The following RBMX2 variants were observed in gnomAD, a reference collection of about 807,000 sequenced individuals.
The protein encoded by RBMX2 is RNA-binding motif protein, X-linked 2.
For missense variants in RBMX2, 191 were observed against 256.0 expected, an observed-to-expected ratio of 0.75 and a Z score of 1.73; for synonymous variants, 77 against 94.3, an observed-to-expected ratio of 0.82 and a Z score of 1.07.
At position 130,401,999 on chromosome X, in the gene RBMX2, C is replaced by T. The variant is rs758727276; in HGVS notation, c.-34C>T. The T allele has an allele frequency of 3.4e-6, 4 of 1,183,949 alleles. No homozygotes were observed. The highest frequency in any genetic ancestry group is 3.7e-5 in the South Asian group (2 of 53,674). ...TGCGCTGCGCTGCCTTTCCCGGGCG[C>T]TGATTCCTGAGTGCTGAGCGCGAAC... On this transcript the variant is annotated 5_prime_UTR_variant, in exon 1 of 6. Coordinates refer to ENST00000305536, the MANE Select transcript of RBMX2 (RefSeq NM_016024.4).
rs1049271395 is a variant in RBMX2 at position 130,411,214 on chromosome X, C to G, written c.304-134C>G. 1.3e-5 allele frequency: 8 copies of G among 599,542 alleles called. No homozygotes were observed. The African/African-American group carries it at 1.8e-4, about 14-fold the overall frequency. The allele number at this position is 599,542 out of a possible 1,213,427, so 49.4% of individuals were successfully genotyped here. A position where few individuals can be genotyped will look rare whatever the true frequency, so the allele number is the denominator to read the frequency against. On this transcript the variant is annotated intron_variant, in intron 4 of 5. Transcript: ENST00000305536. Reference sequence around the variant, plus strand: ...GCTATGACACACCAGTTGGACAGGTCTGCTTTAGTGACAGAATTTAACAAG... The same window carrying G: ...GCTATGACACACCAGTTGGACAGGTGTGCTTTAGTGACAGAATTTAACAAG...
At chrX:130,402,847 C>T (rs1032996892) in intron 2 of RBMX2, among the ~76,000 whole-genome samples, 3 of 112,049 alleles carry the variant, frequency 2.7e-5, no homozygotes, top group Non-Finnish European at 5.6e-5. Context: ...AGTCCATGGC[C>T]ACGTTACCAT....
intron 3 of RBMX2, among the ~76,000 whole-genome samples, chrX:130,408,404 A>G (rs988148554): frequency 2.7e-5 from 3 of 112,091 alleles, no homozygotes; most frequent in African/African-American, 9.7e-5. Flanking sequence ...TAAAATTACA[A>G]ATTTTCCTGA....
intron 3 of RBMX2, among the ~76,000 whole-genome samples, chrX:130,408,801 A>T (rs1439705897): frequency 8.9e-6 from 1 of 112,338 alleles, no homozygotes; most frequent in Non-Finnish European, 1.9e-5. Context: ...TATGTATATT[A>T]ATTAATCTGA....
rs1362331419 is a variant in RBMX2, at chrX:130,413,369, C to T, written c.*521C>T. ...TGCCTCTTTCCACATTTTTTCCTTG[C>T]AATGTATTTATTATTTATTTGTATT... On this transcript the variant is annotated 3_prime_UTR_variant, in exon 6 of 6. Coordinates refer to ENST00000305536, the MANE Select transcript of RBMX2 (RefSeq NM_016024.4). 8.9e-6 allele frequency: 1 copy of T among 112,543 alleles called. No homozygotes were observed. The highest frequency in any genetic ancestry group is 1.9e-5 in the Non-Finnish European group (1 of 53,642). 9.3% of individuals were successfully genotyped at this position (112,543 alleles called of 1,213,427 possible). A position where few individuals can be genotyped will look rare whatever the true frequency, so the allele number is the denominator to read the frequency against.
At chrX:130,411,235 A>G in intron 4 of RBMX2, 113 bp from the exon 5 acceptor site, 1 of 754,073 alleles carries the variant, frequency 1.3e-6, no homozygotes, top group Non-Finnish European at 1.9e-6. Flanking sequence ...ACAGAATTTA[A>G]CAAGAAGGTA....
intron 2 of RBMX2, among the ~76,000 whole-genome samples, chrX:130,402,574 T>C (rs1409305303): frequency 8.9e-6 from 1 of 111,915 alleles, no homozygotes; most frequent in Non-Finnish European, 1.9e-5. Context: ...CTCATGAGAG[T>C]TACTGTTTGC....
At chrX:130,402,225 A>ACCCAACCCACCC in intron 1 of RBMX2, 30 bp from the exon 2 acceptor site, 1 of 984,795 alleles carries the variant, frequency 1.0e-6, no homozygotes, top group Non-Finnish European at 1.4e-6. Flanking sequence ...TTTTCTGCCT[A>ACCCAACCCACCC]CCCTCCCCAC....
Position 130,403,831 on chromosome X carries a change from G to A in RBMX2, c.151G>A (p.Asp51Asn). The A allele has an allele frequency of 8.3e-7, 1 of 1,210,551 alleles. No homozygotes were observed. The highest frequency in any genetic ancestry group is 1.1e-6 in the Non-Finnish European group (1 of 894,232). Residue 51 changes from aspartate (D) to asparagine (N), a missense_variant, in exon 3 of 6, where the codon GAC (aspartate) becomes AAC (asparagine). By Grantham distance (23) the Asp-to-Asn change is conservative. Transcript: ENST00000305536. ...GGLPYELTEG[D>N]IICVFSQYGE... ...GCTTCCTTATGAACTGACTGAAGGG[G>A]ACATCATCTGTGTGTTCTCACAGTA...
intron 5 of RBMX2, among the ~76,000 whole-genome samples, chrX:130,412,043 C>T (rs764362598): frequency 1.8e-5 from 2 of 110,826 alleles, no homozygotes; most frequent in East Asian, 5.7e-4. Context: ...CTGCCTCAGC[C>T]TTCTGAGTAG....
At chrX:130,402,132 C>T (rs2034457859) in intron 1 of RBMX2, 95 bp downstream of exon 1, 13 of 1,162,847 alleles carry the variant, frequency 1.1e-5, no homozygotes, top group Non-Finnish European at 1.5e-5. Context: ...GGCCGAGGGG[C>T]GGGAGCGGCG....
intron 3 of RBMX2, among the ~76,000 whole-genome samples, chrX:130,407,779 T>C (rs140171889): frequency 0.038 from 4,104 of 107,835 alleles, 220 homozygotes; most frequent in African/African-American, 0.13. Context: ...CCACGCACCC[T>C]CCTGAATGGC....
chrX:130,407,665 CTTTTTTT>C (rs1019718080), intron 3 of RBMX2, among the ~76,000 whole-genome samples: 1 of 100,126 alleles, frequency 1.0e-5, no homozygotes, highest in Non-Finnish European at 2.0e-5. Context: ...AATGTTTTTT[CTTTTTTT>C]TTTTTTGAAA....
chrX:130,410,147 ATG>A (rs2034505236), intron 4 of RBMX2, among the ~76,000 whole-genome samples: 1 of 111,632 alleles, frequency 9.0e-6, no homozygotes, highest in East Asian at 2.8e-4. Context: ...TCTAGGCTTG[ATG>A]TTTAAGGAAG....
chrX:130,404,731 T>C (rs2034475693), intron 3 of RBMX2, among the ~76,000 whole-genome samples: 1 of 112,443 alleles, frequency 8.9e-6, no homozygotes, highest in South Asian at 3.7e-4. Context: ...GCCGAGTGGT[T>C]GAGCCACTTA....
At chrX:130,402,228 C>CGGGGGGGGGGGGGGGGGGGGGGG in intron 1 of RBMX2, 27 bp from the exon 2 acceptor site, 1 of 1,029,130 alleles carries the variant, frequency 9.7e-7, no homozygotes, top group African/African-American at 1.9e-5. Context: ...TCTGCCTACC[C>CGGGGGGGGGGGGGGGGGGGGGGG]TCCCCACCCC....
chrX:130,402,014 T>C lies in RBMX2; in HGVS notation c.-19T>C, dbSNP rs2034457013. 1.7e-6 allele frequency: 2 copies of C among 1,195,796 alleles called. No individual in the cohort carries two copies. Among genetic ancestry groups the C allele is most frequent in the African/African-American group, 1.7e-5 (1 of 57,804 alleles). On this transcript the variant is annotated 5_prime_UTR_variant, in exon 1 of 6. Transcript: ENST00000305536. ...TTCCCGGGCGCTGATTCCTGAGTGC[T>C]GAGCGCGAACCCGAGGAGATGAAGT...
intron 3 of RBMX2, among the ~76,000 whole-genome samples, chrX:130,407,782 T>G (rs2034492849): frequency 9.2e-6 from 1 of 108,603 alleles, no homozygotes; most frequent in African/African-American, 3.4e-5. Flanking sequence ...CGCACCCTCC[T>G]GAATGGCTGG....
At chrX:130,402,943 C>T (rs1370604576) in intron 2 of RBMX2, among the ~76,000 whole-genome samples, 1 of 112,776 alleles carries the variant, frequency 8.9e-6, no homozygotes, top group Non-Finnish European at 1.9e-5. Flanking sequence ...GTGCTAAGCA[C>T]TTTATATACA....
Sources: allele counts gnomAD v4.1 joint callset (sites outside exome capture counted in the v4.1 genomes callset), GRCh38; gene constraint gnomAD v4.1.1; transcripts MANE v1.5; gene names NCBI Gene and HGNC (gene_info 2026-07-23, HGNC 2026-07-21).